Variants in ATRNL1 observed in about 807,000 individuals in gnomAD.
The protein encoded by ATRNL1 is attractin-like protein 1.
A neutral mutation model predicts 182.7 loss-of-function variants in ATRNL1; 95 were observed. That is an observed-to-expected ratio of 0.52 (90% confidence interval 0.44 to 0.62). The LOEUF is 0.62. ATRNL1 is among the 20% of genes least tolerant of loss of function. The probability of loss-of-function intolerance (pLI) is 0.00; values close to 1 mark genes in which losing one functional copy is unlikely to be tolerated. For missense variants in ATRNL1, 1,471 were observed against 1,679.5 expected (o/e 0.88, Z 2.17); for synonymous variants, 576 against 568.3 (o/e 1.01, Z -0.19).
At chr10:115,094,346 CA>C (rs1285947244) in intron 1 of ATRNL1, among the ~76,000 whole-genome samples, 1 of 152,166 alleles carries the variant, frequency 6.6e-6, no homozygotes, top group African/African-American at 2.4e-5. Context: ...AACATTTTCA[CA>C]ATCAGTTATG....
chr10:115,266,230 TC>T (rs751427267), intron 11 of ATRNL1, among the ~76,000 whole-genome samples: 3 of 151,910 alleles, frequency 2.0e-5, no homozygotes, highest in Non-Finnish European at 4.4e-5. Context: ...TCTAGGCTTC[TC>T]TTTCCAGACT....
At chr10:115,414,439 G>A (rs1554960470) in intron 20 of ATRNL1, among the ~76,000 whole-genome samples, 1 of 150,956 alleles carries the variant, frequency 6.6e-6, no homozygotes, top group Admixed American at 6.6e-5. Flanking sequence ...ATAGAGATAG[G>A]ATTCACTTGA....
intron 16 of ATRNL1, 59 bp from the exon 17 acceptor site, chr10:115,301,796 T>C (rs1359744300): frequency 3.5e-6 from 5 of 1,415,022 alleles, no homozygotes; most frequent in Non-Finnish European, 4.7e-6. Context: ...AGAAAACCCA[T>C]ACAATTGTGT....
At chr10:115,172,994 C>G (rs185584445) in intron 8 of ATRNL1, among the ~76,000 whole-genome samples, 56 of 152,008 alleles carry the variant, frequency 3.7e-4, no homozygotes, top group African/African-American at 1.3e-3. Flanking sequence ...CTTTTCCTCT[C>G]TCCTCAAGTT....
rs183728845 is a variant in ATRNL1 at position 115,624,871 on chromosome 10, G to A, written c.3795+75335G>A. On this transcript the variant is annotated intron_variant, in intron 26 of 28. Coordinates refer to ENST00000355044, the MANE Select transcript of ATRNL1 (RefSeq NM_207303.4). ...ACAGGATATATTTCATTTTCTTTAAGTTTCTAAGTTGGATCTGCAATATCT... is the reference window on the plus strand; with the variant it reads ...ACAGGATATATTTCATTTTCTTTAAATTTCTAAGTTGGATCTGCAATATCT... Among the ~76,000 whole-genome samples, 363 of 152,164 alleles carry A rather than the reference G, an allele frequency of 2.4e-3. 1 individual carries two copies. Among genetic ancestry groups the A allele is most frequent in the Non-Finnish European group, 4.0e-3 (271 of 67,988 alleles).
chr10:115,602,921 A>T (rs1325846462), intron 26 of ATRNL1, among the ~76,000 whole-genome samples: 2 of 152,084 alleles, frequency 1.3e-5, no homozygotes, highest in South Asian at 2.1e-4. Flanking sequence ...AGAATGACTC[A>T]CATAACTCAG....
At chr10:115,482,884 A>G (rs985059326) in intron 24 of ATRNL1, among the ~76,000 whole-genome samples, 2 of 151,320 alleles carry the variant, frequency 1.3e-5, no homozygotes, top group African/African-American at 4.8e-5. Flanking sequence ...ATACCTAGAT[A>G]TTGAATAATT....
At chr10:115,924,982 C>T (rs1953179839) in intron 28 of ATRNL1, among the ~76,000 whole-genome samples, 1 of 152,104 alleles carries the variant, frequency 6.6e-6, no homozygotes, top group Non-Finnish European at 1.5e-5. Context: ...TAGCTGTATT[C>T]CTAGGTGTTT....
chr10:115,671,811 C>T (rs1945705493), intron 26 of ATRNL1, among the ~76,000 whole-genome samples: 1 of 152,058 alleles, frequency 6.6e-6, no homozygotes, highest in South Asian at 2.1e-4. Flanking sequence ...CCCAAGAAAG[C>T]GTCACTGAAC....
intron 25 of ATRNL1, among the ~76,000 whole-genome samples, chr10:115,531,988 A>T (rs1294088391): frequency 4.0e-5 from 6 of 149,540 alleles, no homozygotes; most frequent in African/African-American, 1.5e-4. Flanking sequence ...ATTGATCTAT[A>T]TCTCTGTTTT....
intron 27 of ATRNL1, among the ~76,000 whole-genome samples, chr10:115,782,072 T>A (rs1182815498): frequency 6.6e-6 from 1 of 152,232 alleles, no homozygotes; most frequent in Admixed American, 6.5e-5. Flanking sequence ...AATATCACTA[T>A]GCTTTTGAAA....
intron 1 of ATRNL1, among the ~76,000 whole-genome samples, chr10:115,113,491 G>C (rs1249811182): frequency 6.6e-6 from 1 of 152,124 alleles, no homozygotes; most frequent in Non-Finnish European, 1.5e-5. Flanking sequence ...TGTTGTGGGA[G>C]GGATCTGGTG....
At chr10:115,747,444 A>G (rs905222010) in intron 27 of ATRNL1, among the ~76,000 whole-genome samples, 1 of 152,146 alleles carries the variant, frequency 6.6e-6, no homozygotes, top group Non-Finnish European at 1.5e-5. Flanking sequence ...CAGTGGTAAT[A>G]CTGGGAATAG....
chr10:115,241,151 T>C (rs980579964), intron 9 of ATRNL1, among the ~76,000 whole-genome samples: 13 of 151,990 alleles, frequency 8.6e-5, no homozygotes, highest in Non-Finnish European at 1.3e-4. Flanking sequence ...TAAAAGTTTA[T>C]TATGGAGTCC....
intron 27 of ATRNL1, among the ~76,000 whole-genome samples, chr10:115,756,033 T>A (rs1555071927): frequency 6.6e-6 from 1 of 152,182 alleles, no homozygotes; most frequent in South Asian, 2.1e-4. Context: ...CATTTTTTAT[T>A]GTGTCTATTT....
chr10:115,937,211 A>G (rs1434746834), intron 28 of ATRNL1, among the ~76,000 whole-genome samples: 3 of 152,308 alleles, frequency 2.0e-5, no homozygotes, highest in East Asian at 1.9e-4. Flanking sequence ...AACATTTTCT[A>G]TAACTTGAGC....
At chr10:115,903,454 T>C (rs1952412988) in intron 28 of ATRNL1, among the ~76,000 whole-genome samples, 1 of 152,196 alleles carries the variant, frequency 6.6e-6, no homozygotes, top group South Asian at 2.1e-4. Flanking sequence ...TTGTTACTAT[T>C]CATACTGACC....
At chr10:115,490,018 A>G (rs1554976165) in intron 24 of ATRNL1, among the ~76,000 whole-genome samples, 1 of 152,144 alleles carries the variant, frequency 6.6e-6, no homozygotes, top group Non-Finnish European at 1.5e-5. Flanking sequence ...TCTGGGTTGA[A>G]AATTCTTTTC....
At chr10:115,721,541 C>T (rs990517188) in intron 26 of ATRNL1, among the ~76,000 whole-genome samples, 8 of 152,002 alleles carry the variant, frequency 5.3e-5, no homozygotes, top group African/African-American at 1.2e-4. Flanking sequence ...TACATGGCAG[C>T]GTTAAGAGAA....
Sources: allele counts gnomAD v4.1 joint callset (sites outside exome capture counted in the v4.1 genomes callset), GRCh38; gene constraint gnomAD v4.1.1; transcripts MANE v1.5; gene names NCBI Gene and HGNC (gene_info 2026-07-23, HGNC 2026-07-21).